The following SCOC variants were observed in gnomAD, a reference collection of about 807,000 sequenced individuals.
The protein encoded by SCOC is short coiled-coil protein.
SCOC carries 7 observed loss-of-function variants against 9.9 expected under a neutral mutation model. That is an observed-to-expected ratio of 0.71 (90% CI 0.40 to 1.33). The LOEUF is 1.33. Ranked by LOEUF, SCOC falls within the 40% of genes most tolerant of loss-of-function variation. The probability of loss-of-function intolerance (pLI) is 0.01; values close to 1 mark genes in which losing one functional copy is unlikely to be tolerated. For synonymous variants in SCOC, 19 were observed against 28.2 expected (o/e 0.67, Z 1.03); for missense variants, 66 against 89.7 (o/e 0.74, Z 1.07).
chr4:140,273,418 T>C (rs1730895365), intron 1 of SCOC, among the ~76,000 whole-genome samples: 1 of 152,232 alleles, frequency 6.6e-6, no homozygotes, highest in Non-Finnish European at 1.5e-5. Context: ...TGGAAAGATA[T>C]TTTTTTCTTT....
intron 1 of SCOC, among the ~76,000 whole-genome samples, chr4:140,317,646 AC>A (rs1732365791): frequency 7.5e-6 from 1 of 133,292 alleles, no homozygotes; most frequent in Non-Finnish European, 1.6e-5. Context: ...TTTTTTTTCT[AC>A]TGTTTGCATT....
chr4:140,307,427 C>T (rs114797925), intron 1 of SCOC, among the ~76,000 whole-genome samples: 3,084 of 152,278 alleles, frequency 0.02, 49 homozygotes, highest in Non-Finnish European at 0.033. Context: ...TCAGCAATCA[C>T]TTGTCTTGAC....
intron 1 of SCOC, among the ~76,000 whole-genome samples, chr4:140,261,712 C>T (rs1730637904): frequency 1.3e-5 from 2 of 152,130 alleles, no homozygotes; most frequent in South Asian, 4.1e-4. Flanking sequence ...GCAAATATAC[C>T]ATGGGGTTGC....
At chr4:140,370,134 G>GT (rs1420841819), upstream of SCOC, among the ~76,000 whole-genome samples, 5 of 151,958 alleles carry the variant, frequency 3.3e-5, no homozygotes, top group African/African-American at 1.2e-4. Context: ...GGTTTGTTTA[G>GT]AAGTACATAG....
intron 1 of SCOC, among the ~76,000 whole-genome samples, chr4:140,331,569 T>C (rs1007618690): frequency 6.6e-6 from 1 of 152,196 alleles, no homozygotes; most frequent in African/African-American, 2.4e-5. Context: ...CCTTTGGAGA[T>C]AATTTCCCCA....
intron 2 of SCOC, among the ~76,000 whole-genome samples, chr4:140,360,025 T>G (rs1373338825): frequency 1.3e-5 from 2 of 152,184 alleles, no homozygotes; most frequent in Non-Finnish European, 2.9e-5. Context: ...CCTCTGGGTC[T>G]CATTTTCCAG....
chr4:140,312,538 C>T (rs1339636720), intron 1 of SCOC, among the ~76,000 whole-genome samples: 2 of 152,092 alleles, frequency 1.3e-5, no homozygotes, highest in East Asian at 1.9e-4. Context: ...AAGTAATTCT[C>T]CTACCTCAGT....
intron 1 of SCOC, among the ~76,000 whole-genome samples, chr4:140,292,926 G>A (rs1040336386): frequency 6.6e-5 from 10 of 152,192 alleles, no homozygotes; most frequent in African/African-American, 2.2e-4. Flanking sequence ...ATCAAATTCT[G>A]TGTTGGCAGC....
chr4:140,295,672 T>TGGC (rs1224589153), intron 1 of SCOC, among the ~76,000 whole-genome samples: 1 of 152,036 alleles, frequency 6.6e-6, no homozygotes, highest in Non-Finnish European at 1.5e-5. Context: ...AAGGGCGCGG[T>TGGC]GGCTCACGCC....
chr4:140,383,915 A>G lies in SCOC; in HGVS notation c.*2811A>G, dbSNP rs1187178678. 6.6e-6 allele frequency: 1 copy of G among 152,240 alleles called. No individual in the cohort carries two copies. Among genetic ancestry groups the G allele is most frequent in the Non-Finnish European group, 1.5e-5 (1 of 68,040 alleles). 9.4% of individuals were successfully genotyped at this position (152,240 alleles called of 1,614,324 possible). ...CTTGAGATCAACTAAAAATAAGATT[A>G]CACTGGGAATGTTACATGCAGATCA... On this transcript the variant is annotated 3_prime_UTR_variant, in exon 4 of 4. Transcript: ENST00000608372.
At chr4:140,373,552 T>C, upstream of SCOC, 2 of 1,551,708 alleles carry the variant, frequency 1.3e-6, no homozygotes, top group Non-Finnish European at 1.7e-6. Flanking sequence ...CAGGCGTGTA[T>C]TCTCGAGTCA....
At chr4:140,337,476 G>T (rs770215508) in intron 1 of SCOC, among the ~76,000 whole-genome samples, 2 of 152,066 alleles carry the variant, frequency 1.3e-5, no homozygotes, top group Non-Finnish European at 2.9e-5. Context: ...CATAAAAGTA[G>T]ATATATAGCC....
At chr4:140,346,355 T>C (rs1263778990) in intron 2 of SCOC, among the ~76,000 whole-genome samples, 2 of 152,128 alleles carry the variant, frequency 1.3e-5, no homozygotes, top group Non-Finnish European at 2.9e-5. Context: ...ATACAGAGGC[T>C]CTCACACAAG....
chr4:140,330,864 G>T (rs920596020), intron 1 of SCOC, among the ~76,000 whole-genome samples: 4 of 152,170 alleles, frequency 2.6e-5, no homozygotes, highest in African/African-American at 9.7e-5. Flanking sequence ...ATTAATACAA[G>T]AATTTAATAG....
At chr4:140,371,008 C>T (rs911537931), upstream of SCOC, among the ~76,000 whole-genome samples, 3 of 151,912 alleles carry the variant, frequency 2.0e-5, no homozygotes, top group African/African-American at 4.8e-5. Flanking sequence ...GCCTCAGCCT[C>T]CCGAGTAGCT....
chr4:140,277,889 G>T (rs1391501782), intron 1 of SCOC, among the ~76,000 whole-genome samples: 1 of 152,158 alleles, frequency 6.6e-6, no homozygotes, highest in East Asian at 1.9e-4. Flanking sequence ...AGGAGAGGAA[G>T]AAGAAGAAGG....
intron 1 of SCOC, among the ~76,000 whole-genome samples, chr4:140,374,997 G>A (rs753268024): frequency 4.6e-4 from 70 of 152,226 alleles, no homozygotes; most frequent in Admixed American, 9.2e-4. Context: ...GACAGATGGT[G>A]AAATCAATTT....
rs762390781 is a variant in SCOC, at chr4:140,259,883, C to T, written c.-19+2473C>T. 2.3e-4 allele frequency among the ~76,000 whole-genome samples: 35 copies of T among 152,302 alleles called. No homozygotes were observed. In the Middle Eastern group the frequency reaches 0.024, roughly 104 times the overall value. Reference sequence around the variant, plus strand: ...CGCCATTCTTGATTAAACCTCTACTCGTGTCAAATGGGTTTACCTCTCCTC... The same window carrying T: ...CGCCATTCTTGATTAAACCTCTACTTGTGTCAAATGGGTTTACCTCTCCTC... On this transcript the variant is annotated intron_variant, in intron 1 of 4. Coordinates refer to the SCOC transcript ENST00000394205.
upstream of SCOC, among the ~76,000 whole-genome samples, chr4:140,342,790 G>T (rs774590042): frequency 5.5e-4 from 84 of 152,098 alleles, no homozygotes; most frequent in Non-Finnish European, 3.2e-4. Context: ...TAGTTGTAAA[G>T]AAATACTTCC....
Sources: gnomAD v4.1 joint callset for allele counts (sites outside exome capture counted in the v4.1 genomes callset) on GRCh38, gnomAD v4.1.1 for gene constraint, MANE v1.5 for transcripts, NCBI Gene and HGNC (gene_info 2026-07-23, HGNC 2026-07-21) for gene names.